Variants in ARHGAP21 observed in about 807,000 individuals in gnomAD.
The protein encoded by ARHGAP21 is rho GTPase-activating protein 21.
ARHGAP21 carries 38 observed loss-of-function variants against 164.6 expected under a neutral mutation model. That is an observed-to-expected ratio of 0.23 (90% CI 0.18 to 0.30). ARHGAP21 has a LOEUF of 0.30. Among genes scored for constraint, ARHGAP21 ranks in the 10% least tolerant of loss-of-function variants. ARHGAP21 has a pLI of 1.00. For synonymous variants in ARHGAP21, 766 were observed against 857.9 expected (o/e 0.89, Z 1.87); for missense variants, 1,822 against 2,370.7 (o/e 0.77, Z 4.81).
At position 24,596,768 on chromosome 10, in the gene ARHGAP21, T is replaced by C. The variant is rs775360390; in HGVS notation, c.3449A>G (p.Asp1150Gly). 1.7e-5 allele frequency: 27 copies of C among 1,612,898 alleles called. No individual in the cohort carries two copies. Among genetic ancestry groups the C allele is most frequent in the Admixed American group, 5.0e-5 (3 of 59,688 alleles). The stretch of plus-strand genomic sequence containing the variant: ...ATTAGTATGAGCTGGTGGGCAGTCA[T>C]CTAGTCGGACGCCGAAAGTTCCTGT... ...TATGTFGVRL[D>G]DCPPAHTNRY... Residue 1150 changes from aspartate to glycine, a missense_variant, in exon 17 of 26, where the codon GAT becomes GGT. Physicochemically the swap from Asp to Gly is moderately conservative, Grantham distance 94. Around this residue, in one of 5 missense-constraint regions of ARHGAP21, gnomAD observed 117 missense variants for 238.1 expected, o/e 0.49. Coordinates refer to ENST00000396432, the MANE Select transcript of ARHGAP21 (RefSeq NM_020824.4).
chr10:24,595,845 A>AG (rs768640223), intron 18 of ARHGAP21, 43 bp downstream of exon 18: 4 of 1,594,298 alleles, frequency 2.5e-6, no homozygotes, highest in Non-Finnish European at 2.6e-6. Context: ...GTTCCACCAA[A>AG]GGGGGAAAAA....
chr10:24,607,622 AT>A, intron 10 of ARHGAP21, 21 bp from the exon 11 acceptor site: 4 of 1,612,518 alleles, frequency 2.5e-6, no homozygotes, highest in Non-Finnish European at 3.4e-6. Context: ...TTAAAATCCA[AT>A]ATTTAGACAT....
At chr10:24,683,805 A>G (rs940027845) in intron 2 of ARHGAP21, among the ~76,000 whole-genome samples, 5 of 152,160 alleles carry the variant, frequency 3.3e-5, no homozygotes, top group Admixed American at 2.0e-4. Flanking sequence ...CATCTCACAC[A>G]ATGTTTTACC....
chr10:24,619,742 A>G lies in ARHGAP21; in HGVS notation c.2153T>C (p.Leu718Ser), dbSNP rs763031453. The change falls in exon 9 of 26, where the codon TTA becomes TCA. Residue 718 changes from leucine (L) to serine (S), a missense_variant. By Grantham distance (145) the Leu-to-Ser change is moderately radical. Coordinates refer to ENST00000396432, the MANE Select transcript of ARHGAP21 (RefSeq NM_020824.4). ...TGATTGCTCAGTTTCAGCCTCTTGTAAACTTAAATCTTGATTCCTTTGACT... is the reference window on the plus strand; with the variant it reads ...TGATTGCTCAGTTTCAGCCTCTTGTGAACTTAAATCTTGATTCCTTTGACT... ...PVSQRNQDLS[L>S]QEAETEQSDT... 2 of 1,614,152 alleles carry G rather than the reference A, an allele frequency of 1.2e-6. No homozygotes were observed. Among genetic ancestry groups the G allele is most frequent in the South Asian group, 2.2e-5 (2 of 91,086 alleles).
intron 2 of ARHGAP21, among the ~76,000 whole-genome samples, chr10:24,702,124 GTTCT>G (rs1256523253): frequency 5.9e-4 from 54 of 90,914 alleles, no homozygotes; most frequent in African/African-American, 2.3e-3. Context: ...AATACTTCCG[GTTCT>G]TTTTTTTTTT....
intron 2 of ARHGAP21, among the ~76,000 whole-genome samples, chr10:24,692,594 G>A (rs1391932928): frequency 6.6e-6 from 1 of 152,172 alleles, no homozygotes; most frequent in African/African-American, 2.4e-5. Context: ...CACTTTGGGA[G>A]GCCAAGGTGG....
intron 2 of ARHGAP21, among the ~76,000 whole-genome samples, chr10:24,692,230 T>C (rs1031174296): frequency 1.3e-5 from 2 of 152,280 alleles, no homozygotes; most frequent in Non-Finnish European, 2.9e-5. Flanking sequence ...CCAGTGGAGA[T>C]ACTTAGCAGT....
Position 24,666,929 on chromosome 10 carries a change from C to G in ARHGAP21, c.268+56G>C, listed in dbSNP as rs12571182. On this transcript the variant is annotated intron_variant, in intron 4 of 25. Coordinates refer to ENST00000396432, the MANE Select transcript of ARHGAP21 (RefSeq NM_020824.4). The stretch of plus-strand genomic sequence containing the variant: ...ATCTCATTTAGTATCACTTAAAGAA[C>G]AGAAAGAAATGGGTAGAAAAACATT... 172 of 1,278,660 alleles carry G rather than the reference C, an allele frequency of 1.3e-4. 1 individual carries two copies. In the East Asian group the frequency reaches 3.9e-3, roughly 29 times the overall value. 79.2% of individuals were successfully genotyped at this position (1,278,660 alleles called of 1,614,324 possible).
At chr10:24,660,513 C>A (rs1839572108) in intron 4 of ARHGAP21, among the ~76,000 whole-genome samples, 1 of 151,706 alleles carries the variant, frequency 6.6e-6, no homozygotes, top group Non-Finnish European at 1.5e-5. Flanking sequence ...GCTTCTGATA[C>A]CCCACCCAAA....
At chr10:24,631,195 C>T (rs559540334) in intron 6 of ARHGAP21, among the ~76,000 whole-genome samples, 2 of 152,062 alleles carry the variant, frequency 1.3e-5, no homozygotes, top group African/African-American at 4.8e-5. Context: ...GAAAACTCGT[C>T]TCCACTAAAA....
chr10:24,608,140 A>G (rs980729993), intron 9 of ARHGAP21, among the ~76,000 whole-genome samples: 2 of 152,186 alleles, frequency 1.3e-5, no homozygotes, highest in African/African-American at 4.8e-5. Context: ...CTACCAACCA[A>G]TTAATGCCTT....
intron 4 of ARHGAP21, among the ~76,000 whole-genome samples, chr10:24,647,462 G>C (rs754107973): frequency 6.6e-6 from 1 of 152,200 alleles, no homozygotes; most frequent in Admixed American, 6.5e-5. Flanking sequence ...TTGTGTTAGA[G>C]AGGTTGATGG....
chr10:24,642,487 C>T (rs1382963684), intron 4 of ARHGAP21, among the ~76,000 whole-genome samples: 1 of 147,604 alleles, frequency 6.8e-6, no homozygotes, highest in Non-Finnish European at 1.5e-5. Context: ...TGCACTCCAG[C>T]CTGGGCGACA....
chr10:24,602,534 A>G (rs1208475315), intron 12 of ARHGAP21, among the ~76,000 whole-genome samples: 3 of 152,208 alleles, frequency 2.0e-5, no homozygotes, highest in African/African-American at 7.2e-5. Context: ...CAGAGGGAAG[A>G]GAGTTTGATG....
At chr10:24,612,022 G>A (rs568454836) in intron 9 of ARHGAP21, among the ~76,000 whole-genome samples, 1 of 152,184 alleles carries the variant, frequency 6.6e-6, no homozygotes. Flanking sequence ...CTTCTAAGGT[G>A]AGCTGAGTTA....
chr10:24,639,581 G>T (rs1219011275), intron 4 of ARHGAP21, among the ~76,000 whole-genome samples: 3 of 152,112 alleles, frequency 2.0e-5, no homozygotes, highest in Non-Finnish European at 1.5e-5. Flanking sequence ...TGGTTGAAAG[G>T]ACACTCATCA....
intron 2 of ARHGAP21, chr10:24,706,410 C>G (rs930416717): frequency 4.6e-5 from 7 of 152,350 alleles, no homozygotes; most frequent in African/African-American, 1.4e-4. Context: ...CCTACTCTTA[C>G]AAGAAGACAG....
intron 2 of ARHGAP21, among the ~76,000 whole-genome samples, chr10:24,701,314 C>T (rs1843652550): frequency 6.6e-6 from 1 of 152,080 alleles, no homozygotes; most frequent in African/African-American, 2.4e-5. Context: ...TCGAAGGATC[C>T]AATCTAGGAT....
At chr10:24,596,928 G>C in intron 16 of ARHGAP21, 46 bp from the exon 17 acceptor site, 1 of 1,567,112 alleles carries the variant, frequency 6.4e-7, no homozygotes, top group East Asian at 2.3e-5. Context: ...AAATGGAAAT[G>C]AGTGTCTAAA....
Sources: allele counts gnomAD v4.1 joint callset (sites outside exome capture counted in the v4.1 genomes callset), GRCh38; gene constraint gnomAD v4.1.1; regional missense constraint gnomAD v4.1.1; transcripts MANE v1.5; gene names NCBI Gene and HGNC (gene_info 2026-07-23, HGNC 2026-07-21).